The following CTNNBL1 variants were observed in gnomAD, a reference collection of about 807,000 sequenced individuals.
CTNNBL1 encodes the protein beta-catenin-like protein 1.
Under a neutral mutation model 72.7 loss-of-function variants are expected in CTNNBL1, and 31 were observed. The ratio of observed to expected loss-of-function variants is 0.43; its 90% confidence interval spans 0.32 to 0.58. CTNNBL1 has a LOEUF of 0.58. Among genes scored for constraint, CTNNBL1 ranks in the 20% least tolerant of loss-of-function variants. The pLI, the probability that CTNNBL1 is intolerant of heterozygous loss-of-function variation, is 0.08. For missense variants in CTNNBL1, 534 were observed against 725.1 expected (o/e 0.74, Z 3.03); for synonymous variants, 240 against 267.3 (o/e 0.90, Z 1.00).
At chr20:37,760,213 T>C (rs1431126117) in intron 5 of CTNNBL1, among the ~76,000 whole-genome samples, 1 of 152,222 alleles carries the variant, frequency 6.6e-6, no homozygotes, top group Non-Finnish European at 1.5e-5. Flanking sequence ...ATTGCTTTGA[T>C]GGCAATTCTC....
At chr20:37,793,948 T>TG (rs1846761194) in intron 10 of CTNNBL1, among the ~76,000 whole-genome samples, 1 of 151,904 alleles carries the variant, frequency 6.6e-6, no homozygotes, top group Non-Finnish European at 1.5e-5. Context: ...GCCCAGCTAA[T>TG]TTTTGTATTT....
intron 15 of CTNNBL1, among the ~76,000 whole-genome samples, chr20:37,870,727 C>G (rs368921626): frequency 6.6e-6 from 1 of 152,190 alleles, no homozygotes; most frequent in Non-Finnish European, 1.5e-5. Context: ...CCTTTCTGCT[C>G]AGGACCCACC....
chr20:37,755,234 G>T (rs1057126914), intron 4 of CTNNBL1, among the ~76,000 whole-genome samples: 1 of 152,084 alleles, frequency 6.6e-6, no homozygotes, highest in Non-Finnish European at 1.5e-5. Flanking sequence ...TAAAAATGGC[G>T]GCTATTATTA....
At chr20:37,724,977 C>G (rs2122584594) in intron 1 of CTNNBL1, among the ~76,000 whole-genome samples, 1 of 148,052 alleles carries the variant, frequency 6.8e-6, no homozygotes, top group South Asian at 2.2e-4. Flanking sequence ...AGTGGCATGA[C>G]CTTGGCTTAC....
intron 1 of CTNNBL1, among the ~76,000 whole-genome samples, chr20:37,705,393 G>C (rs2072876563): frequency 6.6e-6 from 1 of 152,198 alleles, no homozygotes. Flanking sequence ...TGAGTGCCCA[G>C]TAAGTGTTAC....
At chr20:37,753,250 C>T (rs1211832051) in intron 4 of CTNNBL1, among the ~76,000 whole-genome samples, 1 of 152,018 alleles carries the variant, frequency 6.6e-6, no homozygotes, top group Non-Finnish European at 1.5e-5. Context: ...AGATGTTTAC[C>T]AGGCCTGGTA....
rs569405918 is a variant in CTNNBL1, at chr20:37,848,441, C to T, written c.1392+6022C>T. 2.6e-5 allele frequency among the ~76,000 whole-genome samples: 4 copies of T among 152,264 alleles called. No individual in the cohort carries two copies. The South Asian group carries it at 8.3e-4, about 32-fold the overall frequency. ...AAAGTGCTGGAGTTACAGACCTGAGCCACTGCGCCTAGCCTAGGCTCTTCT... is the reference window on the plus strand; with the variant it reads ...AAAGTGCTGGAGTTACAGACCTGAGTCACTGCGCCTAGCCTAGGCTCTTCT... On this transcript the variant is annotated intron_variant, in intron 13 of 15. Coordinates refer to ENST00000361383, the MANE Select transcript of CTNNBL1 (RefSeq NM_030877.5).
intron 11 of CTNNBL1, among the ~76,000 whole-genome samples, chr20:37,835,189 G>A (rs1055197873): frequency 1.3e-5 from 2 of 152,182 alleles, no homozygotes; most frequent in South Asian, 2.1e-4. Context: ...TACCCAAATC[G>A]TTGGCAAAAC....
intron 1 of CTNNBL1, among the ~76,000 whole-genome samples, chr20:37,706,947 T>A (rs1437700931): frequency 6.6e-6 from 1 of 152,206 alleles, no homozygotes; most frequent in Non-Finnish European, 1.5e-5. Context: ...CTTGTACATC[T>A]CCATCAGACC....
At chr20:37,855,064 T>G (rs994904313) in intron 13 of CTNNBL1, among the ~76,000 whole-genome samples, 1 of 135,474 alleles carries the variant, frequency 7.4e-6, no homozygotes, top group Non-Finnish European at 1.5e-5. Flanking sequence ...TAGTAATCAA[T>G]CAAAAATAAT....
intron 2 of CTNNBL1, 54 bp downstream of exon 2, chr20:37,733,121 T>G: frequency 6.5e-7 from 1 of 1,530,110 alleles, no homozygotes; most frequent in Non-Finnish European, 9.0e-7. Context: ...TAAAACGTAA[T>G]TTTGGGCCAA....
chr20:37,854,538 T>A (rs998827818), intron 13 of CTNNBL1, among the ~76,000 whole-genome samples: 6 of 149,290 alleles, frequency 4.0e-5, no homozygotes, highest in African/African-American at 7.4e-5. Context: ...GGGGTAAGAA[T>A]CCCTGCCTCT....
At chr20:37,869,225 C>CGGGGCAAAATAAAGAGGTAGCA (rs1275836397) in intron 15 of CTNNBL1, among the ~76,000 whole-genome samples, 1 of 152,150 alleles carries the variant, frequency 6.6e-6, no homozygotes, top group East Asian at 1.9e-4. Flanking sequence ...TAAAGAGGAA[C>CGGGGCAAAATAAAGAGGTAGCA]GGGGCAAAAT....
intron 13 of CTNNBL1, among the ~76,000 whole-genome samples, chr20:37,857,414 C>A (rs1361151655): frequency 6.6e-6 from 1 of 152,194 alleles, no homozygotes; most frequent in East Asian, 1.9e-4. Context: ...TCCAACACCC[C>A]CCAGGCCAAA....
intron 11 of CTNNBL1, among the ~76,000 whole-genome samples, chr20:37,806,154 C>G (rs768869217): frequency 1.3e-5 from 2 of 152,190 alleles, no homozygotes; most frequent in Non-Finnish European, 2.9e-5. Context: ...GCAGAACCCC[C>G]ACTTTAGAGC....
At chr20:37,845,948 T>C (rs2072343417) in intron 13 of CTNNBL1, among the ~76,000 whole-genome samples, 1 of 152,190 alleles carries the variant, frequency 6.6e-6, no homozygotes, top group African/African-American at 2.4e-5. Flanking sequence ...AACTTCAGAC[T>C]TCTCTGGGCA....
intron 1 of CTNNBL1, among the ~76,000 whole-genome samples, chr20:37,712,686 C>CCTCTGCTGT (rs1182112844): frequency 6.6e-6 from 1 of 152,228 alleles, no homozygotes; most frequent in Non-Finnish European, 1.5e-5. Context: ...TAATTGCCTG[C>CCTCTGCTGT]CTCTGCTGTC....
intron 2 of CTNNBL1, among the ~76,000 whole-genome samples, chr20:37,736,114 C>CT (rs533324811): frequency 9.9e-5 from 15 of 151,856 alleles, no homozygotes; most frequent in African/African-American, 3.1e-4. Context: ...AGTCTACTAG[C>CT]TTTTTTTTGC....
At chr20:37,837,470 A>G (rs7274589) in intron 11 of CTNNBL1, among the ~76,000 whole-genome samples, 57,565 of 151,998 alleles carry the variant, frequency 0.38, 11,225 homozygotes, top group Admixed American at 0.49. Flanking sequence ...TATATTTTCA[A>G]TACCTAAAAA....
Sources: gnomAD v4.1 joint callset for allele counts (sites outside exome capture counted in the v4.1 genomes callset) on GRCh38, gnomAD v4.1.1 for gene constraint, MANE v1.5 for transcripts, NCBI Gene and HGNC (gene_info 2026-07-23, HGNC 2026-07-21) for gene names.